FOXJ3: variants seen among roughly 807,000 people sequenced by gnomAD.
FOXJ3 encodes the protein forkhead box protein J3.
A neutral mutation model predicts 76.1 loss-of-function variants in FOXJ3; 22 were observed. The ratio of observed to expected loss-of-function variants is 0.29; its 90% CI spans 0.21 to 0.41. FOXJ3 has a LOEUF of 0.41. Among genes scored for constraint, FOXJ3 ranks in the 10% least tolerant of loss-of-function variants. FOXJ3 has a pLI of 1.00. For synonymous variants in FOXJ3, 269 were observed against 261.2 expected, an observed-to-expected ratio of 1.03 and a Z score of -0.29; for missense variants, 613 against 762.1, an observed-to-expected ratio of 0.80 and a Z score of 2.30.
chr1:42,284,344 G>C (rs1652917661), intron 2 of FOXJ3, among the ~76,000 whole-genome samples: 1 of 152,192 alleles, frequency 6.6e-6, no homozygotes, highest in Non-Finnish European at 1.5e-5. Context: ...GCCAACTGAG[G>C]CTAGTGCAAA....
intron 4 of FOXJ3, among the ~76,000 whole-genome samples, chr1:42,248,311 G>A (rs1326072642): frequency 2.0e-5 from 3 of 151,908 alleles, no homozygotes; most frequent in South Asian, 2.1e-4. Context: ...GAGGTGGGCC[G>A]ATCACGAGGT....
At chr1:42,302,040 C>A (rs558042298) in intron 2 of FOXJ3, among the ~76,000 whole-genome samples, 1 of 152,282 alleles carries the variant, frequency 6.6e-6, no homozygotes, top group Non-Finnish European at 1.5e-5. Flanking sequence ...GTTCTGGGTG[C>A]TTTCAGTGGC....
chr1:42,210,954 T>A (rs1044323675), intron 5 of FOXJ3, among the ~76,000 whole-genome samples: 1 of 152,028 alleles, frequency 6.6e-6, no homozygotes, highest in African/African-American at 2.4e-5. Context: ...GGAGTGTACA[T>A]CATTAAGGGA....
chr1:42,196,203 C>CA (rs1646647708), intron 7 of FOXJ3, among the ~76,000 whole-genome samples: 1 of 152,154 alleles, frequency 6.6e-6, no homozygotes, highest in African/African-American at 2.4e-5. Flanking sequence ...TTGGTACTGT[C>CA]ACGTGGGATG....
upstream of FOXJ3, chr1:42,335,332 G>A (rs1570285167): frequency 2.0e-5 from 3 of 152,266 alleles, no homozygotes; most frequent in South Asian, 6.2e-4. Context: ...TCCCTGCGCG[G>A]TCACGGTCGC....
At chr1:42,252,080 T>C (rs1650134171) in intron 4 of FOXJ3, among the ~76,000 whole-genome samples, 1 of 152,300 alleles carries the variant, frequency 6.6e-6, no homozygotes, top group African/African-American at 2.4e-5. Flanking sequence ...GGTCTAAAAA[T>C]TCTCTTTTTT....
At chr1:42,324,113 C>CAGTGTATATATACAGTATATATAT (rs1557726011) in intron 1 of FOXJ3, among the ~76,000 whole-genome samples, 1 of 1,900 alleles carries the variant, frequency 5.3e-4, no homozygotes, top group Non-Finnish European at 1.4e-3. Flanking sequence ...TGTATATACA[C>CAGTGTATATATACAGTATATATAT]TGTATATACA....
intron 6 of FOXJ3, among the ~76,000 whole-genome samples, chr1:42,202,232 C>A (rs1332359007): frequency 6.6e-6 from 1 of 152,092 alleles, no homozygotes; most frequent in Non-Finnish European, 1.5e-5. Flanking sequence ...CAGTTTTTAT[C>A]TCTAGGAGTT....
chr1:42,216,687 T>G (rs1223398799), intron 5 of FOXJ3, among the ~76,000 whole-genome samples: 3 of 152,164 alleles, frequency 2.0e-5, no homozygotes, highest in Non-Finnish European at 4.4e-5. Flanking sequence ...TTGGAAGATT[T>G]TTACATTTAC....
intron 1 of FOXJ3, among the ~76,000 whole-genome samples, chr1:42,320,517 G>T (rs936662124): frequency 2.0e-5 from 3 of 151,898 alleles, no homozygotes; most frequent in African/African-American, 7.3e-5. Context: ...CAGAAAACCT[G>T]AAAAAGGTAT....
intron 3 of FOXJ3, among the ~76,000 whole-genome samples, chr1:42,266,476 A>C (rs1651471988): frequency 6.6e-6 from 1 of 152,166 alleles, no homozygotes; most frequent in Non-Finnish European, 1.5e-5. Flanking sequence ...CTGGACACAC[A>C]ACTAAATCAC....
chr1:42,274,017 G>A (rs1226853002), intron 3 of FOXJ3, among the ~76,000 whole-genome samples: 2 of 152,036 alleles, frequency 1.3e-5, no homozygotes, highest in Non-Finnish European at 2.9e-5. Context: ...GCATCTGCAG[G>A]CACTTAGGTT....
intron 1 of FOXJ3, among the ~76,000 whole-genome samples, chr1:42,321,017 T>A (rs1655399740): frequency 6.6e-6 from 1 of 152,170 alleles, no homozygotes; most frequent in Non-Finnish European, 1.5e-5. Flanking sequence ...AATAAAATGC[T>A]GTACTGAAAC....
intron 1 of FOXJ3, among the ~76,000 whole-genome samples, chr1:42,318,863 A>G (rs1311519733): frequency 2.6e-5 from 4 of 152,202 alleles, no homozygotes; most frequent in Non-Finnish European, 5.9e-5. Context: ...TTCTATACCC[A>G]AGAAATGAAA....
intron 11 of FOXJ3, among the ~76,000 whole-genome samples, chr1:42,183,984 T>C (rs1386629168): frequency 6.6e-6 from 1 of 152,070 alleles, no homozygotes; most frequent in Non-Finnish European, 1.5e-5. Context: ...CTGACCTCTT[T>C]GACTGACTGA....
chr1:42,255,775 C>A (rs1650537237), intron 4 of FOXJ3, among the ~76,000 whole-genome samples: 1 of 152,180 alleles, frequency 6.6e-6, no homozygotes, highest in Non-Finnish European at 1.5e-5. Context: ...GTAATCCCAG[C>A]ACTTTGGGAG....
At position 42,320,218 on chromosome 1, in the gene FOXJ3, AG is replaced by A. The variant is rs532951369; in HGVS notation, c.-17-9109del. On this transcript the variant is annotated intron_variant, in intron 1 of 12. Coordinates refer to ENST00000361346, the MANE Select transcript of FOXJ3 (RefSeq NM_014947.5). ...ATAAAAGAGGTGGTGAGCGTGGGGG[AG>A]GGGGGGCTTCCTGGCCAAACATCAC... is the stretch of plus-strand genomic sequence containing the variant. Among the ~76,000 whole-genome samples the A allele has an allele frequency of 2.4e-3, 363 of 151,802 alleles. 1 individual carries two copies. The highest frequency in any genetic ancestry group is 7.9e-3 in the African/African-American group (329 of 41,430).
chr1:42,244,683 A>G (rs1649404858), intron 4 of FOXJ3, among the ~76,000 whole-genome samples: 1 of 152,184 alleles, frequency 6.6e-6, no homozygotes, highest in South Asian at 2.1e-4. Flanking sequence ...GACCCAAATA[A>G]AATCAGAAAC....
intron 1 of FOXJ3, among the ~76,000 whole-genome samples, chr1:42,318,899 C>G (rs1242364387): frequency 6.6e-6 from 1 of 152,090 alleles, no homozygotes; most frequent in Non-Finnish European, 1.5e-5. Context: ...CAAATCTGCA[C>G]AAGAATGTTC....
Sources: allele counts gnomAD v4.1 joint callset (sites outside exome capture counted in the v4.1 genomes callset), GRCh38; gene constraint gnomAD v4.1.1; transcripts MANE v1.5; gene names NCBI Gene and HGNC (gene_info 2026-07-23, HGNC 2026-07-21).